Variants in TCF4 observed in about 807,000 individuals in gnomAD.
TCF4 encodes the protein SL3-3 enhancer factor 2.
TCF4 carries 3 observed loss-of-function variants against 82.1 expected under a neutral mutation model. The ratio of observed to expected loss-of-function variants is 0.04; its 90% CI spans 0.02 to 0.09. The LOEUF (loss-of-function observed/expected upper bound fraction) is 0.09, where lower values mean the gene tolerates loss of function less well. Among genes scored for constraint, TCF4 ranks in the 10% least tolerant of loss-of-function variants. The pLI is 1.00. For synonymous variants in TCF4, 276 were observed against 309.6 expected, an observed-to-expected ratio of 0.89 and a Z score of 1.14; for missense variants, 518 against 852.7, an observed-to-expected ratio of 0.61 and a Z score of 4.89.
Position 55,227,678 on chromosome 18 carries a change from A to AT in TCF4, c.*356dup, listed in dbSNP as rs556610873. Reference sequence around the variant, plus strand: ...TTTTTCAGACTTACAAATTAATTATATTTTTTTTTTCCAAAAGAAGTTTAG... The same window carrying AT: ...TTTTTCAGACTTACAAATTAATTATATTTTTTTTTTTCCAAAAGAAGTTTAG... On this transcript the variant is annotated 3_prime_UTR_variant, in exon 20 of 20. Coordinates refer to ENST00000354452, the MANE Select transcript of TCF4 (RefSeq NM_001083962.2). The AT allele has an allele frequency of 0.03, 4,558 of 149,758 alleles. 107 individuals carry two copies. Among genetic ancestry groups the AT allele is most frequent in the Non-Finnish European group, 0.049 (3,310 of 67,264 alleles). 9.3% of individuals were successfully genotyped at this position (149,758 alleles called of 1,614,324 possible). A position where few individuals can be genotyped will look rare whatever the true frequency, so the allele number is the denominator to read the frequency against.
chr18:55,511,147 C>T (rs1233413034), intron 3 of TCF4, among the ~76,000 whole-genome samples: 1 of 152,030 alleles, frequency 6.6e-6, no homozygotes, highest in African/African-American at 2.4e-5. Context: ...GTTTCTTCCA[C>T]ATAACACATA....
At chr18:55,337,137 G>C (rs2078822095) in intron 8 of TCF4, among the ~76,000 whole-genome samples, 1 of 152,006 alleles carries the variant, frequency 6.6e-6, no homozygotes, top group African/African-American at 2.4e-5. Flanking sequence ...TAAAAGGTGT[G>C]CTAATTTTAC....
intron 8 of TCF4, among the ~76,000 whole-genome samples, chr18:55,281,195 T>C (rs559739782): frequency 6.6e-6 from 1 of 152,300 alleles, no homozygotes; most frequent in Admixed American, 6.5e-5. Flanking sequence ...TTTTTGAGTA[T>C]TTTTAAGAAA....
chr18:55,526,708 T>C (rs2096988374), intron 3 of TCF4, among the ~76,000 whole-genome samples: 1 of 152,144 alleles, frequency 6.6e-6, no homozygotes, highest in African/African-American at 2.4e-5. Flanking sequence ...CTTGGGCCCC[T>C]TTCATTACTC....
At chr18:55,242,760 C>A (rs527347453) in intron 15 of TCF4, among the ~76,000 whole-genome samples, 8 of 152,206 alleles carry the variant, frequency 5.3e-5, no homozygotes, top group Admixed American at 5.2e-4. Context: ...CAGGCGTGCA[C>A]CTTTACGCCC....
At chr18:55,549,774 A>G (rs1174273283) in intron 3 of TCF4, among the ~76,000 whole-genome samples, 1 of 152,074 alleles carries the variant, frequency 6.6e-6, no homozygotes, top group Admixed American at 6.6e-5. Context: ...CTAAATAATG[A>G]TAAGAAATAT....
At chr18:55,489,020 C>T (rs1448228785) in intron 3 of TCF4, among the ~76,000 whole-genome samples, 1 of 152,150 alleles carries the variant, frequency 6.6e-6, no homozygotes, top group Non-Finnish European at 1.5e-5. Context: ...AAATACGAAT[C>T]CCAAGAGTGT....
At chr18:55,396,149 C>T (rs1052019188) in intron 6 of TCF4, among the ~76,000 whole-genome samples, 2 of 152,154 alleles carry the variant, frequency 1.3e-5, no homozygotes, top group African/African-American at 4.8e-5. Flanking sequence ...AGCCTAAAAA[C>T]TCCTTCATGG....
At chr18:55,489,223 A>G (rs1568205508) in intron 3 of TCF4, among the ~76,000 whole-genome samples, 1 of 152,148 alleles carries the variant, frequency 6.6e-6, no homozygotes, top group Non-Finnish European at 1.5e-5. Flanking sequence ...TTGAAAATAC[A>G]TATTCCTGGG....
At chr18:55,504,881 C>T (rs1462666871) in intron 3 of TCF4, among the ~76,000 whole-genome samples, 1 of 152,142 alleles carries the variant, frequency 6.6e-6, no homozygotes, top group Non-Finnish European at 1.5e-5. Flanking sequence ...CAAGCCTCCC[C>T]CAAGAACAAG....
intron 5 of TCF4, among the ~76,000 whole-genome samples, chr18:55,432,246 T>A (rs923598028): frequency 2.0e-5 from 3 of 152,150 alleles, no homozygotes; most frequent in African/African-American, 7.2e-5. Flanking sequence ...GAGGCTGCAG[T>A]GGGCCAAGAT....
intron 5 of TCF4, among the ~76,000 whole-genome samples, chr18:55,438,835 GA>G (rs2095383758): frequency 6.6e-6 from 1 of 152,194 alleles, no homozygotes; most frequent in East Asian, 1.9e-4. Flanking sequence ...AGAAGGGACC[GA>G]AGTGAAGCTC....
chr18:55,519,345 G>T (rs2096913068), intron 3 of TCF4, among the ~76,000 whole-genome samples: 1 of 150,734 alleles, frequency 6.6e-6, no homozygotes, highest in Non-Finnish European at 1.5e-5. Context: ...GAGGTAGGAG[G>T]ATTGCTTAAG....
At chr18:55,583,221 C>A (rs575116675) in intron 3 of TCF4, among the ~76,000 whole-genome samples, 1 of 152,114 alleles carries the variant, frequency 6.6e-6, no homozygotes, top group East Asian at 1.9e-4. Context: ...TCTGGTACAA[C>A]GTAACTTAAA....
chr18:55,571,968 A>G (rs1277801819), intron 3 of TCF4, among the ~76,000 whole-genome samples: 5 of 151,866 alleles, frequency 3.3e-5, no homozygotes, highest in African/African-American at 1.2e-4. Flanking sequence ...CGTTTTAACT[A>G]AGAGTTACTA....
At chr18:55,423,923 G>A (rs1051901162) in intron 5 of TCF4, among the ~76,000 whole-genome samples, 3 of 152,156 alleles carry the variant, frequency 2.0e-5, no homozygotes, top group Non-Finnish European at 2.9e-5. Context: ...GGGGATGGGA[G>A]GGGAGATGAG....
At chr18:55,545,570 T>C (rs2097199417) in intron 3 of TCF4, among the ~76,000 whole-genome samples, 1 of 152,090 alleles carries the variant, frequency 6.6e-6, no homozygotes, top group South Asian at 2.1e-4. Flanking sequence ...TACCTCAGCC[T>C]CCCAAGTAGC....
intron 6 of TCF4, among the ~76,000 whole-genome samples, chr18:55,365,191 A>ATGTGTGTGTGTG (rs1220531145): frequency 7.1e-5 from 7 of 97,936 alleles, no homozygotes; most frequent in African/African-American, 3.5e-4. Context: ...ATATATATAT[A>ATGTGTGTGTGTG]TGTGTGTGTG....
intron 6 of TCF4, chr18:55,384,260 C>A (rs2092361360): frequency 6.6e-6 from 1 of 152,220 alleles, no homozygotes. Context: ...TGACAACAGA[C>A]AGCTGTCAAT....
Sources: allele counts gnomAD v4.1 joint callset (sites outside exome capture counted in the v4.1 genomes callset), GRCh38; gene constraint gnomAD v4.1.1; transcripts MANE v1.5; gene names NCBI Gene and HGNC (gene_info 2026-07-23, HGNC 2026-07-21).